KALRN: variants seen among roughly 807,000 people sequenced by gnomAD.
KALRN encodes the protein kalirin RhoGEF kinase.
A neutral mutation model predicts 353.7 loss-of-function variants in KALRN; 70 were observed. The ratio of observed to expected loss-of-function variants is 0.20; its 90% CI spans 0.16 to 0.24. The LOEUF is 0.24. Ranked by LOEUF, KALRN falls within the 10% of genes least tolerant of loss-of-function variation. KALRN has a pLI of 1.00. For synonymous variants in KALRN, 1,391 were observed against 1,434.8 expected (o/e 0.97, Z 0.69); for missense variants, 2,791 against 3,756.7 (o/e 0.74, Z 6.72).
At chr3:124,071,408 C>T (rs1290863586) in intron 1 of KALRN, among the ~76,000 whole-genome samples, 1 of 152,226 alleles carries the variant, frequency 6.6e-6, no homozygotes, top group Non-Finnish European at 1.5e-5. Flanking sequence ...AAGATCTCAC[C>T]TAAGGCTGTC....
chr3:124,308,777 G>A (rs187083815), intron 6 of KALRN, among the ~76,000 whole-genome samples: 122 of 151,468 alleles, frequency 8.1e-4, no homozygotes, highest in African/African-American at 2.8e-3. Context: ...AAGAGCAAAC[G>A]AAACCTAAAG....
At chr3:124,146,178 G>T (rs185803386) in intron 1 of KALRN, among the ~76,000 whole-genome samples, 1 of 152,276 alleles carries the variant, frequency 6.6e-6, no homozygotes, top group Admixed American at 6.5e-5. Flanking sequence ...GTTCCTACAG[G>T]CTTGGAGAAG....
intron 31 of KALRN, 21 bp downstream of exon 31, chr3:124,491,445 G>C: frequency 6.5e-7 from 1 of 1,536,334 alleles, no homozygotes. Flanking sequence ...CTCTCTGCTA[G>C]GCACAAACTA....
chr3:124,386,843 T>C (rs1191826942), intron 11 of KALRN, among the ~76,000 whole-genome samples: 3 of 152,222 alleles, frequency 2.0e-5, no homozygotes, highest in Non-Finnish European at 4.4e-5. Flanking sequence ...ACCTATTACT[T>C]GCCAGACACA....
chr3:124,665,340 G>A (rs58159645), intron 45 of KALRN, among the ~76,000 whole-genome samples: 4,244 of 152,308 alleles, frequency 0.028, 80 homozygotes, highest in East Asian at 0.078. Flanking sequence ...CTGTGAAGAT[G>A]TCTCTGAAAA....
rs2039088801 is a variant in KALRN at position 124,033,581 on chromosome 3, C to A, written c.-160C>A. On this transcript the variant is annotated 5_prime_UTR_variant, in exon 1 of 60. Transcript: ENST00000682506. The surrounding 1 kb of genome is among the most constrained non-coding windows in gnomAD (Gnocchi z 6.2). ...CCTGAGGGAGGCTCAGCGTCCTCTG[C>A]CCCAGCCCCGCCGCCCAACGCCCGC... 6.6e-6 allele frequency among the ~76,000 whole-genome samples: 1 copy of A among 151,486 alleles called. No homozygotes were observed. Among genetic ancestry groups the A allele is most frequent in the African/African-American group, 2.4e-5 (1 of 41,332 alleles).
Position 124,234,896 on chromosome 3 carries a change from A to G in KALRN, c.216A>G (p.Arg72=). The G allele has an allele frequency of 6.2e-7, 1 of 1,609,178 alleles. No homozygotes were observed. The highest frequency in any genetic ancestry group is 1.1e-5 in the South Asian group (1 of 89,902). The change falls in exon 3 of 60, where the codon AGA becomes AGG. Residue 72 remains arginine, a synonymous_variant. Transcript: ENST00000682506. ...FPARSNHDRI[R]QEDLRKLVTY... ...CTCGCAGCAATCATGACAGAATAAGACAGGAAGACCTGCGGAAACTCGTGA... is the reference window on the plus strand; with the variant it reads ...CTCGCAGCAATCATGACAGAATAAGGCAGGAAGACCTGCGGAAACTCGTGA...
At chr3:124,358,363 G>A (rs908615764) in intron 10 of KALRN, among the ~76,000 whole-genome samples, 5 of 152,214 alleles carry the variant, frequency 3.3e-5, no homozygotes, top group African/African-American at 9.6e-5. Context: ...TTCTCACTCC[G>A]TTAGCTGAAA....
chr3:124,675,553 T>C (rs376872964), intron 49 of KALRN: 3 of 148,156 alleles, frequency 2.0e-5, no homozygotes, highest in East Asian at 3.9e-4. Context: ...TTCTGTATTT[T>C]AGGATTTGGG....
intron 20 of KALRN, 113 bp from the exon 21 acceptor site, chr3:124,446,650 A>T (rs1275209979): frequency 2.4e-5 from 31 of 1,303,702 alleles, no homozygotes; most frequent in African/African-American, 4.5e-5. Context: ...TCAAATTGTC[A>T]GTGTTTCCTG....
chr3:124,558,413 GA>G, intron 33 of KALRN, among the ~76,000 whole-genome samples: 1 of 152,184 alleles, frequency 6.6e-6, no homozygotes, highest in Admixed American at 6.5e-5. Context: ...GAGTAGCTGG[GA>G]ATACAGGTGT....
chr3:124,117,316 C>G (rs1344748384), intron 1 of KALRN, among the ~76,000 whole-genome samples: 3 of 147,804 alleles, frequency 2.0e-5, no homozygotes, highest in Admixed American at 6.6e-5. Context: ...AAAAGAAAAA[C>G]AGTGTTTTTT....
intron 13 of KALRN, among the ~76,000 whole-genome samples, chr3:124,399,579 C>A (rs1474652841): frequency 1.3e-5 from 2 of 152,156 alleles, no homozygotes; most frequent in Admixed American, 1.3e-4. Context: ...AATTAGGTGG[C>A]CTCCTTAGAG....
chr3:124,595,167 T>C (rs2076161070), intron 34 of KALRN, among the ~76,000 whole-genome samples: 1 of 150,848 alleles, frequency 6.6e-6, no homozygotes, highest in African/African-American at 2.4e-5. Flanking sequence ...ATACATTCTT[T>C]TGGTCTTTTT....
At chr3:124,405,638 G>GTTTTTTTTTTTTTTTTTTTTTTTTTTTTT in intron 13 of KALRN, among the ~76,000 whole-genome samples, 1 of 83,868 alleles carries the variant, frequency 1.2e-5, no homozygotes, top group Non-Finnish European at 2.2e-5. Flanking sequence ...GGACCTCAGG[G>GTTTTTTTTTTTTTTTTTTTTTTTTTTTTT]TTTTTTTTTT....
At chr3:124,716,548 AC>A in intron 58 of KALRN, among the ~76,000 whole-genome samples, 1 of 152,206 alleles carries the variant, frequency 6.6e-6, no homozygotes. Flanking sequence ...AACAACAACA[AC>A]AAAAAAAAGG....
chr3:124,396,801 A>C (rs1024803847), intron 12 of KALRN, among the ~76,000 whole-genome samples: 5 of 152,208 alleles, frequency 3.3e-5, no homozygotes, highest in Admixed American at 6.5e-5. Flanking sequence ...TGCAAGATTA[A>C]ATTCCATGGG....
chr3:124,168,374 G>T (rs991907246), intron 1 of KALRN, among the ~76,000 whole-genome samples: 16 of 152,172 alleles, frequency 1.1e-4, no homozygotes, highest in African/African-American at 3.9e-4. Context: ...GTTGCCATTG[G>T]CAACTGATTG....
At chr3:124,297,916 G>A (rs1252089011) in intron 5 of KALRN, among the ~76,000 whole-genome samples, 1 of 152,186 alleles carries the variant, frequency 6.6e-6, no homozygotes, top group Non-Finnish European at 1.5e-5. Flanking sequence ...CAACAATACT[G>A]GAAGAAGAGA....
Sources: gnomAD v4.1 joint callset for allele counts (sites outside exome capture counted in the v4.1 genomes callset) on GRCh38, gnomAD v4.1.1 for gene constraint, Gnocchi (gnomAD v3.1) non-coding constraint, MANE v1.5 for transcripts, NCBI Gene and HGNC (gene_info 2026-07-23, HGNC 2026-07-21) for gene names.